XKR9: variants seen among roughly 807,000 people sequenced by gnomAD.
XKR9 encodes XK-related protein 9.
A neutral mutation model predicts 32.0 loss-of-function variants in XKR9; 32 were observed. The ratio of observed to expected loss-of-function variants is 1.00; its 90% CI spans 0.76 to 1.34. The LOEUF is 1.34. Ranked by LOEUF, XKR9 falls within the 40% of genes most tolerant of loss-of-function variation. The probability of loss-of-function intolerance (pLI) is 0.00; values close to 1 mark genes in which losing one functional copy is unlikely to be tolerated. For synonymous variants in XKR9, 168 were observed against 143.4 expected (o/e 1.17, Z -1.22); for missense variants, 546 against 429.7 (o/e 1.27, Z -2.39).
intron 3 of XKR9, among the ~76,000 whole-genome samples, chr8:70,697,805 A>T (rs896767731): frequency 5.3e-5 from 8 of 151,624 alleles, no homozygotes; most frequent in Non-Finnish European, 1.2e-4. Context: ...CTGTGAATCC[A>T]TCTGGTCCTG....
the XKR9 span, among the ~76,000 whole-genome samples, chr8:71,001,143 T>A: frequency 1.3e-5 from 2 of 152,198 alleles, no homozygotes; most frequent in Admixed American, 1.3e-4. Context: ...TAACAGTTTG[T>A]GGATTAGCAG....
chr8:71,001,602 A>G, the XKR9 span, among the ~76,000 whole-genome samples: 2 of 152,156 alleles, frequency 1.3e-5, no homozygotes, highest in African/African-American at 4.8e-5. Flanking sequence ...AAATGAGGAT[A>G]TGTATACCTG....
chr8:70,996,388 A>C, the XKR9 span, among the ~76,000 whole-genome samples: 1 of 152,210 alleles, frequency 6.6e-6, no homozygotes, highest in African/African-American at 2.4e-5. Flanking sequence ...TCTAGGTTTC[A>C]GGTGTGAAAT....
At chr8:70,899,656 T>C in the XKR9 span, among the ~76,000 whole-genome samples, 1 of 152,132 alleles carries the variant, frequency 6.6e-6, no homozygotes, top group Non-Finnish European at 1.5e-5. Context: ...GAGTTCTTAG[T>C]TGCAGTAAGT....
chr8:70,788,098 G>A (rs1243940047), intron 2 of XKR9, among the ~76,000 whole-genome samples: 1 of 151,994 alleles, frequency 6.6e-6, no homozygotes, highest in Non-Finnish European at 1.5e-5. Context: ...TTACACAGTG[G>A]TAAGACCAGC....
chr8:70,794,644 G>A (rs928532148), downstream of XKR9, among the ~76,000 whole-genome samples: 1 of 151,888 alleles, frequency 6.6e-6, no homozygotes, highest in Admixed American at 6.6e-5. Context: ...TTAATATGGT[G>A]CATTATATTG....
chr8:71,045,968 T>C, the XKR9 span, among the ~76,000 whole-genome samples: 6 of 152,058 alleles, frequency 3.9e-5, no homozygotes, highest in African/African-American at 1.2e-4. Context: ...AGGATACCCA[T>C]GTATCCTCCA....
At chr8:70,787,492 G>A (rs1158880461) in intron 2 of XKR9, among the ~76,000 whole-genome samples, 1 of 152,092 alleles carries the variant, frequency 6.6e-6, no homozygotes, top group Non-Finnish European at 1.5e-5. Context: ...CAGGACCTGA[G>A]GAGAGTGAAC....
At chr8:70,793,161 T>C (rs1219259599), downstream of XKR9, among the ~76,000 whole-genome samples, 1 of 152,110 alleles carries the variant, frequency 6.6e-6, no homozygotes, top group Non-Finnish European at 1.5e-5. Context: ...ATTAGCCTTC[T>C]CTTGCCATTT....
At chr8:70,756,512 C>T (rs2130196700) in intron 2 of XKR9, among the ~76,000 whole-genome samples, 1 of 152,164 alleles carries the variant, frequency 6.6e-6, no homozygotes, top group East Asian at 1.9e-4. Context: ...GATGTTTTTC[C>T]ATTTATTTAG....
chr8:70,888,051 G>A, the XKR9 span, among the ~76,000 whole-genome samples: 6 of 151,686 alleles, frequency 4.0e-5, no homozygotes, highest in South Asian at 6.2e-4. Flanking sequence ...TATGATATTG[G>A]CCTCTTTGTG....
At chr8:70,914,089 G>A in the XKR9 span, among the ~76,000 whole-genome samples, 1 of 152,084 alleles carries the variant, frequency 6.6e-6, no homozygotes, top group Non-Finnish European at 1.5e-5. Flanking sequence ...TTTAAAGATA[G>A]AGTCTCACTC....
chr8:70,887,039 G>T, the XKR9 span, among the ~76,000 whole-genome samples: 1 of 151,846 alleles, frequency 6.6e-6, no homozygotes. Flanking sequence ...TTCCTTCCAG[G>T]GTTTTTATAG....
At chr8:70,755,928 AG>A (rs1170705043) in intron 2 of XKR9, among the ~76,000 whole-genome samples, 5 of 152,102 alleles carry the variant, frequency 3.3e-5, no homozygotes, top group African/African-American at 9.7e-5. Flanking sequence ...ATTAAAAAAA[AG>A]ATTTTGGTTT....
the XKR9 span, among the ~76,000 whole-genome samples, chr8:71,030,216 C>G: frequency 6.6e-6 from 1 of 152,048 alleles, no homozygotes; most frequent in African/African-American, 2.4e-5. Context: ...GGTAAACCAG[C>G]TTGGGTTTTC....
At chr8:70,855,839 A>G in the XKR9 span, among the ~76,000 whole-genome samples, 2 of 152,230 alleles carry the variant, frequency 1.3e-5, no homozygotes, top group African/African-American at 4.8e-5. Context: ...TCTTAAAGAA[A>G]AGAATTTTCA....
chr8:70,752,287 G>C (rs1377634828), intron 2 of XKR9, among the ~76,000 whole-genome samples: 1 of 152,142 alleles, frequency 6.6e-6, no homozygotes, highest in African/African-American at 2.4e-5. Context: ...GTTTTCTGTT[G>C]TTATACCTGA....
At chr8:70,813,259 G>T in the XKR9 span, among the ~76,000 whole-genome samples, 4 of 152,208 alleles carry the variant, frequency 2.6e-5, no homozygotes, top group African/African-American at 9.7e-5. Context: ...GCTGAAACTG[G>T]ATCCCTTCTT....
chr8:70,894,686 T>C, the XKR9 span, among the ~76,000 whole-genome samples: 2 of 152,150 alleles, frequency 1.3e-5, no homozygotes, highest in African/African-American at 4.8e-5. Context: ...TTTCTTAGGA[T>C]GCAGGGTACT....
Sources: allele counts gnomAD v4.1 joint callset (sites outside exome capture counted in the v4.1 genomes callset), GRCh38; gene constraint gnomAD v4.1.1; transcripts MANE v1.5; gene names NCBI Gene and HGNC (gene_info 2026-07-23, HGNC 2026-07-21).